The following FKRP variants were observed in gnomAD, a reference collection of about 807,000 sequenced individuals.
FKRP encodes the protein ribitol 5-phosphate transferase FKRP.
FKRP carries 25 observed loss-of-function variants against 30.6 expected under a neutral mutation model. The ratio of observed to expected loss-of-function variants is 0.82; its 90% CI spans 0.60 to 1.14. The LOEUF (loss-of-function observed/expected upper bound fraction) is 1.14. Among genes scored for constraint, FKRP ranks in the 50% most tolerant of loss-of-function variants. FKRP has a pLI of 0.00. For synonymous variants in FKRP, 358 were observed against 342.5 expected (o/e 1.05, Z -0.50); for missense variants, 771 against 727.8 (o/e 1.06, Z -0.68).
rs140679502 is a variant in FKRP, at chr19:46,756,627, G to C, written c.1177G>C (p.Val393Leu). 7.4e-6 allele frequency: 12 copies of C among 1,612,844 alleles called. No homozygotes were observed. In the East Asian group the frequency reaches 2.5e-4, roughly 33 times the overall value. The change falls in exon 4 of 4, where the codon GTA becomes CTA. Residue 393 changes from valine (V) to leucine (L), a missense_variant. Val to Leu is a conservative substitution (Grantham distance 32, BLOSUM62 1). Coordinates refer to ENST00000318584, the MANE Select transcript of FKRP (RefSeq NM_024301.5). The surrounding 1 kb of genome is among the most constrained non-coding windows in gnomAD (Gnocchi z 6.6). ...AGSVVDERGF[V>L]WEKAVEGDFF... Reference sequence around the variant, plus strand: ...CTCGGTGGTGGATGAGCGCGGCTTCGTATGGGAGAAGGCGGTCGAGGGCGA... The same window carrying C: ...CTCGGTGGTGGATGAGCGCGGCTTCCTATGGGAGAAGGCGGTCGAGGGCGA...
rs763940706 is a variant in FKRP, at chr19:46,756,573, T to A, written c.1123T>A (p.Cys375Ser). The change falls in exon 4 of 4, where the codon TGC becomes AGC. Residue 375 changes from cysteine to serine, a missense_variant. Coordinates refer to ENST00000318584, the MANE Select transcript of FKRP (RefSeq NM_024301.5). This position sits in a 1 kb window ranked among gnomAD's most constrained non-coding sequence, Gnocchi z 6.6. ...LGIYLEDVGN[C>S]EQLRGAEAGS... ...CATCTACTTGGAGGACGTGGGCAACTGCGAGCAGCTGCGGGGGGCAGAGGC... is the reference window on the plus strand; with the variant it reads ...CATCTACTTGGAGGACGTGGGCAACAGCGAGCAGCTGCGGGGGGCAGAGGC... 13 of 1,608,952 alleles carry A rather than the reference T, an allele frequency of 8.1e-6. No homozygotes were observed. Among genetic ancestry groups the A allele is most frequent in the Non-Finnish European group, 1.0e-5 (12 of 1,178,456 alleles).
intron 3 of FKRP, chr19:46,754,029 C>T (rs191644032): frequency 6.6e-6 from 1 of 152,236 alleles, no homozygotes; most frequent in Non-Finnish European, 1.5e-5. Flanking sequence ...GGTTGGCAGC[C>T]TCTTTTGATG....
chr19:46,748,797 A>T (rs1240273064), intron 3 of FKRP, 132 bp downstream of exon 3: 2 of 152,186 alleles, frequency 1.3e-5, no homozygotes, highest in African/African-American at 4.8e-5. Context: ...GCTAGAGTGA[A>T]GTGGAGCAAT....
rs1190860587 is a variant in FKRP, at chr19:46,757,420, CTG to C, written c.*485_*486del. 9.4e-5 allele frequency: 18 copies of C among 192,450 alleles called. No homozygotes were observed. Among genetic ancestry groups the C allele is most frequent in the African/African-American group, 3.8e-4 (16 of 42,474 alleles). 11.9% of individuals were successfully genotyped at this position (192,450 alleles called of 1,614,324 possible). A position where few individuals can be genotyped will look rare whatever the true frequency, so the allele number is the denominator to read the frequency against. ...GGCCTGGGGGGGCGTCGCAGTCTCT[CTG>C]TGCCTCAGTTGCTTCCAGGATGCGG... On this transcript the variant is annotated 3_prime_UTR_variant, in exon 4 of 4. Transcript: ENST00000318584.
chr19:46,744,839 C>G (rs111476621), upstream of FKRP, among the ~76,000 whole-genome samples: 1,825 of 152,072 alleles, frequency 0.012, 26 homozygotes, highest in African/African-American at 0.042. Flanking sequence ...AGACTTCCAG[C>G]GGGCCATTCC....
intron 3 of FKRP, among the ~76,000 whole-genome samples, chr19:46,755,125 C>G (rs533125495): frequency 1.9e-4 from 29 of 151,968 alleles, no homozygotes; most frequent in Admixed American, 3.9e-4. Context: ...CCCATTCCCC[C>G]CTGCCTGCAA....
At chr19:46,750,538 G>A (rs1244952625) in intron 3 of FKRP, among the ~76,000 whole-genome samples, 3 of 152,040 alleles carry the variant, frequency 2.0e-5, no homozygotes, top group African/African-American at 4.8e-5. Context: ...CCTATCTTTC[G>A]TTTTTGAGAC....
chr19:46,748,181 C>CT (rs1478878414), intron 2 of FKRP, 93 bp downstream of exon 2: 2 of 151,834 alleles, frequency 1.3e-5, no homozygotes, highest in Non-Finnish European at 2.9e-5. Context: ...TTTTCTTTTT[C>CT]TTTCTTTCTT....
chr19:46,755,854 C>A lies in FKRP; in HGVS notation c.404C>A (p.Ala135Asp), dbSNP rs398124392. 1.8e-5 allele frequency: 27 copies of A among 1,489,746 alleles called. No homozygotes were observed. Among genetic ancestry groups the A allele is most frequent in the Non-Finnish European group, 2.2e-5 (25 of 1,122,760 alleles). The allele number at this position is 1,489,746 out of a possible 1,614,324, so 92.3% of individuals were successfully genotyped here. A position where few individuals can be genotyped will look rare whatever the true frequency, so the allele number is the denominator to read the frequency against. The stretch of plus-strand genomic sequence containing the variant: ...GCCCTAGTACCTGATGGGGCGCGGG[C>A]TGAGGCACCTGGCCTGCTGGAGCGC... The part of the protein sequence containing the change: ...FVALVPDGAR[A>D]EAPGLLERMV... The change falls in exon 4 of 4, where the codon GCT becomes GAT. Residue 135 changes from alanine (A) to aspartate (D), a missense_variant. Transcript: ENST00000318584.
chr19:46,758,544 C>G lies in FKRP; in HGVS notation c.*1606C>G, dbSNP rs1417451683. 2 of 165,218 alleles carry G rather than the reference C, an allele frequency of 1.2e-5. No individual in the cohort carries two copies. The highest frequency in any genetic ancestry group is 2.9e-5 in the Non-Finnish European group (2 of 67,806). 10.2% of individuals were successfully genotyped at this position (165,218 alleles called of 1,614,324 possible). On this transcript the variant is annotated 3_prime_UTR_variant, in exon 4 of 4. Transcript: ENST00000318584. ...CCTCATCCCAATGACTTTTGCACAC[C>G]CAGGTGTGAGCACCCAGCATTCAAG... is the stretch of plus-strand genomic sequence containing the variant.
chr19:46,756,392 GCC>G lies in FKRP; in HGVS notation c.947_948del (p.Pro316LeufsTer73). ...PAYLYEERWTPPCCLRALRET... is the reference protein window; with the variant it reads ...PAYLYEERWTXPCCLRALRET... ...CCTACCTCTACGAGGAGCGCTGGAC[GCC>G]CCCCTGCTGCCTGCGCGCGCTGCGC... On this transcript the variant is annotated frameshift_variant, in exon 4 of 4. Transcript: ENST00000318584. LOFTEE classifies it high-confidence loss of function. The surrounding 1 kb of genome is among the most constrained non-coding windows in gnomAD (Gnocchi z 6.6). 6.4e-7 allele frequency: 1 copy of G among 1,567,114 alleles called. No individual in the cohort carries two copies. Among genetic ancestry groups the G allele is most frequent in the Non-Finnish European group, 8.6e-7 (1 of 1,157,332 alleles).
intron 1 of FKRP, chr19:46,746,497 C>T (rs1229364593): frequency 1.8e-5 from 15 of 845,124 alleles, no homozygotes; most frequent in Admixed American, 6.3e-5. Context: ...GCCAACACCC[C>T]CCCCCCTCCC....
rs1315878788 is a variant in FKRP at position 46,753,806 on chromosome 19, G to A, written c.-39-1606G>A. ...AGGGGACAGAGGATTTAGGACATAG[G>A]GAGGTTAGTTGGATGCCCCCTCTCT... is the stretch of plus-strand genomic sequence containing the variant. On this transcript the variant is annotated intron_variant, in intron 3 of 3. Coordinates refer to ENST00000318584, the MANE Select transcript of FKRP (RefSeq NM_024301.5). The A allele has an allele frequency of 5.9e-5, 9 of 152,194 alleles. No homozygotes were observed. In the East Asian group the frequency reaches 1.5e-3, roughly 26 times the overall value. 9.4% of individuals were successfully genotyped at this position (152,194 alleles called of 1,614,324 possible).
chr19:46,755,329 T>C, intron 3 of FKRP, 83 bp from the exon 4 acceptor site: 1 of 884,646 alleles, frequency 1.1e-6, no homozygotes, highest in Non-Finnish European at 1.7e-6. Context: ...GAAAGAGCTG[T>C]AGAAAGGGGC....
chr19:46,756,143 G>C lies in FKRP; in HGVS notation c.693G>C (p.Trp231Cys), dbSNP rs2122621481. 3 of 1,480,922 alleles carry C rather than the reference G, an allele frequency of 2.0e-6. No individual in the cohort carries two copies. Among genetic ancestry groups the C allele is most frequent in the Non-Finnish European group, 2.7e-6 (3 of 1,124,756 alleles). The allele number at this position is 1,480,922 out of a possible 1,614,324, so 91.7% of individuals were successfully genotyped here. Residue 231 changes from tryptophan (W) to cysteine (C), a missense_variant, in exon 4 of 4, where the codon TGG becomes TGC. Coordinates refer to ENST00000318584, the MANE Select transcript of FKRP (RefSeq NM_024301.5). This position sits in a 1 kb window ranked among gnomAD's most constrained non-coding sequence, Gnocchi z 6.6. ...SLFLQTALRG[W>C]AVQLLDLTFA... ...TTCTGCAGACCGCCCTTCGCGGCTG[G>C]GCGGTGCAGCTGCTGGACTTGACCT...
chr19:46,754,411 T>TATTTATTTTTC (rs1354448385), intron 3 of FKRP: 23 of 139,466 alleles, frequency 1.6e-4, no homozygotes, highest in African/African-American at 6.2e-4. Context: ...ATTTATTTTT[T>TATTTATTTTTC]GAGACAGTCT....
chr19:46,750,254 G>A (rs1478276763), intron 3 of FKRP, among the ~76,000 whole-genome samples: 5 of 152,184 alleles, frequency 3.3e-5, no homozygotes, highest in Admixed American at 2.0e-4. Flanking sequence ...CAGGGTACTA[G>A]ATGATTCCTT....
intron 3 of FKRP, among the ~76,000 whole-genome samples, chr19:46,752,371 C>A (rs2054811161): frequency 1.3e-5 from 2 of 152,112 alleles, no homozygotes; most frequent in African/African-American, 4.8e-5. Flanking sequence ...GCTTGAGGTT[C>A]TGTGGTTGCA....
rs1208578569 is a variant in FKRP, at chr19:46,755,796, C to T, written c.346C>T (p.Arg116Cys). The change falls in exon 4 of 4, where the codon CGC (arginine) becomes TGC (cysteine). Residue 116 changes from arginine to cysteine, a missense_variant. By Grantham distance (180) the Arg-to-Cys change is radical. Transcript: ENST00000318584. ...CCTGGACCGGCCAGCCGCAGCCTCGCGCCCGGAGACCTACGTGGCCACCGA... is the reference window on the plus strand; with the variant it reads ...CCTGGACCGGCCAGCCGCAGCCTCGTGCCCGGAGACCTACGTGGCCACCGA... ...PALDRPAAAS[R>C]PETYVATEFV... 13 of 1,517,714 alleles carry T rather than the reference C, an allele frequency of 8.6e-6. No homozygotes were observed. The highest frequency in any genetic ancestry group is 1.1e-5 in the Non-Finnish European group (13 of 1,135,732). The allele number at this position is 1,517,714 out of a possible 1,614,324, so 94.0% of individuals were successfully genotyped here.
Sources: allele counts gnomAD v4.1 joint callset (sites outside exome capture counted in the v4.1 genomes callset), GRCh38; gene constraint gnomAD v4.1.1; non-coding constraint Gnocchi (gnomAD v3.1); transcripts MANE v1.5; gene names NCBI Gene and HGNC (gene_info 2026-07-23, HGNC 2026-07-21).